WASL: variants seen among roughly 807,000 people sequenced by gnomAD.
The protein encoded by WASL is WASP like actin nucleation promoting factor.
In WASL, 20 loss-of-function variants were observed where a neutral mutation model predicts 55.5. The observed-to-expected ratio is 0.36, with a 90% confidence interval of 0.25 to 0.52. WASL has a LOEUF of 0.52. Ranked by LOEUF, WASL falls within the 20% of genes least tolerant of loss-of-function variation. The pLI, the probability that WASL is intolerant of heterozygous loss-of-function variation, is 0.92. For missense variants in WASL, 504 were observed against 622.5 expected (o/e 0.81, Z 2.03); for synonymous variants, 249 against 217.6 (o/e 1.14, Z -1.27).
intron 1 of WASL, among the ~76,000 whole-genome samples, chr7:123,728,913 T>TGTGCC (rs1444972233): frequency 6.6e-6 from 1 of 152,174 alleles, no homozygotes; most frequent in Non-Finnish European, 1.5e-5. Context: ...CATTAATGTC[T>TGTGCC]GTGCCTGTGG....
At chr7:123,691,647 T>C (rs1002445690) in intron 9 of WASL, among the ~76,000 whole-genome samples, 2 of 152,194 alleles carry the variant, frequency 1.3e-5, no homozygotes, top group Non-Finnish European at 2.9e-5. Flanking sequence ...TGATCCTTTA[T>C]AGGAAAATGT....
intron 9 of WASL, among the ~76,000 whole-genome samples, chr7:123,691,063 G>A (rs1007203937): frequency 6.6e-6 from 1 of 152,198 alleles, no homozygotes; most frequent in Non-Finnish European, 1.5e-5. Context: ...ATATTTTAAA[G>A]ATCAGAGTCT....
At chr7:123,718,485 A>G (rs542334678) in intron 1 of WASL, among the ~76,000 whole-genome samples, 136 of 150,788 alleles carry the variant, frequency 9.0e-4, no homozygotes, top group Non-Finnish European at 1.6e-3. Flanking sequence ...AAAAACACTA[A>G]GATAGGTGGG....
chr7:123,723,432 G>A lies in WASL; in HGVS notation c.118-14209C>T, dbSNP rs141490420. ...ACAGTAGAGAGTAAATATTTTGAAC[G>A]ATGGCATCTAAAGCAAGTTTAGGTC... On this transcript the variant is annotated intron_variant, in intron 1 of 10. Transcript: ENST00000223023. Among the ~76,000 whole-genome samples, 258 of 152,218 alleles carry A rather than the reference G, an allele frequency of 1.7e-3. 1 individual carries two copies. The highest frequency in any genetic ancestry group is 3.0e-3 in the Non-Finnish European group (206 of 68,014).
chr7:123,732,545 T>C (rs1376175654), intron 1 of WASL, among the ~76,000 whole-genome samples: 3 of 152,104 alleles, frequency 2.0e-5, no homozygotes, highest in East Asian at 1.9e-4. Flanking sequence ...CATTTAAAAA[T>C]TGGATTAATT....
At chr7:123,746,881 G>A (rs538895929) in intron 1 of WASL, among the ~76,000 whole-genome samples, 1 of 152,292 alleles carries the variant, frequency 6.6e-6, no homozygotes, top group South Asian at 2.1e-4. Flanking sequence ...CTGGTATGTA[G>A]AACACAGCAC....
At chr7:123,745,805 A>G (rs1019722431) in intron 1 of WASL, among the ~76,000 whole-genome samples, 8 of 152,010 alleles carry the variant, frequency 5.3e-5, no homozygotes, top group African/African-American at 1.9e-4. Flanking sequence ...CAAACCTAAC[A>G]AACTTATTAG....
chr7:123,700,202 AAAAAACAACAT>A (rs1803561826), intron 5 of WASL, among the ~76,000 whole-genome samples: 1 of 77,530 alleles, frequency 1.3e-5, no homozygotes, highest in African/African-American at 4.4e-5. Flanking sequence ...AAAAAAAAAA[AAAAAACAACAT>A]TATTTAAGTA....
rs764143557 is a variant in WASL, at chr7:123,695,912, G to C, written c.630-47C>G. ...AAATAGAAAAACAAAATGCATAAAGGGCATTATAAACACAATATATATGAA... is the reference window on the plus strand; with the variant it reads ...AAATAGAAAAACAAAATGCATAAAGCGCATTATAAACACAATATATATGAA... On this transcript the variant is annotated intron_variant, in intron 6 of 10. Transcript: ENST00000223023. 4 of 1,576,428 alleles carry C rather than the reference G, an allele frequency of 2.5e-6. No individual in the cohort carries two copies. In the East Asian group the frequency reaches 9.0e-5, roughly 35 times the overall value.
chr7:123,702,104 G>C (rs1308104003), intron 5 of WASL, among the ~76,000 whole-genome samples: 1 of 151,970 alleles, frequency 6.6e-6, no homozygotes, highest in Non-Finnish European at 1.5e-5. Context: ...GCCCAGGCTG[G>C]AGTGCAATGG....
intron 9 of WASL, among the ~76,000 whole-genome samples, chr7:123,691,881 A>G (rs904001799): frequency 6.6e-6 from 1 of 152,228 alleles, no homozygotes; most frequent in Non-Finnish European, 1.5e-5. Flanking sequence ...GGTGATCACA[A>G]TTGGTTTCAA....
intron 1 of WASL, among the ~76,000 whole-genome samples, chr7:123,748,058 T>C (rs1804467644): frequency 6.6e-6 from 1 of 152,110 alleles, no homozygotes; most frequent in Non-Finnish European, 1.5e-5. Context: ...CTTGTTTCTC[T>C]TTAACGAAGA....
At chr7:123,708,181 AAAC>A (rs144814256) in intron 2 of WASL, among the ~76,000 whole-genome samples, 65,129 of 151,188 alleles carry the variant, frequency 0.43, 14,553 homozygotes, top group South Asian at 0.66. Context: ...CCCTGTCTCA[AAAC>A]AACAACAACA....
At chr7:123,716,511 G>A (rs1265794588) in intron 1 of WASL, among the ~76,000 whole-genome samples, 1 of 151,920 alleles carries the variant, frequency 6.6e-6, no homozygotes, top group African/African-American at 2.4e-5. Flanking sequence ...CCCTCCCAAA[G>A]TGCTGGGATT....
chr7:123,730,041 T>A (rs1158400224), intron 1 of WASL, among the ~76,000 whole-genome samples: 2 of 151,820 alleles, frequency 1.3e-5, no homozygotes, highest in Non-Finnish European at 2.9e-5. Flanking sequence ...AAGGAGAGAG[T>A]ATAGTGAAAG....
At chr7:123,697,588 C>A (rs1803513087) in intron 5 of WASL, among the ~76,000 whole-genome samples, 1 of 152,196 alleles carries the variant, frequency 6.6e-6, no homozygotes. Flanking sequence ...GGTTCTCTGA[C>A]AAATCCTCCT....
At chr7:123,705,166 G>A (rs1803649679) in intron 4 of WASL, among the ~76,000 whole-genome samples, 1 of 152,178 alleles carries the variant, frequency 6.6e-6, no homozygotes, top group Non-Finnish European at 1.5e-5. Flanking sequence ...AGATCATGGT[G>A]GCCTGGATTA....
rs191247661 is a variant in WASL at position 123,723,657 on chromosome 7, T to C, written c.118-14434A>G. ...TTAAATTAAGATTCTCTCCCAGGAATTTAGAATTCTAAACTGGGACCCAGG... is the reference window on the plus strand; with the variant it reads ...TTAAATTAAGATTCTCTCCCAGGAACTTAGAATTCTAAACTGGGACCCAGG... On this transcript the variant is annotated intron_variant, in intron 1 of 10. Transcript: ENST00000223023. 1.1e-3 allele frequency among the ~76,000 whole-genome samples: 169 copies of C among 152,316 alleles called. 2 individuals are homozygous for C. The highest frequency in any genetic ancestry group is 6.9e-3 in the Admixed American group (106 of 15,298).
At chr7:123,713,293 C>G (rs969951687) in intron 1 of WASL, among the ~76,000 whole-genome samples, 1 of 151,998 alleles carries the variant, frequency 6.6e-6, no homozygotes, top group Non-Finnish European at 1.5e-5. Context: ...GCTGGGACTA[C>G]CAGCACACAC....
Sources: allele counts gnomAD v4.1 joint callset (sites outside exome capture counted in the v4.1 genomes callset), GRCh38; gene constraint gnomAD v4.1.1; transcripts MANE v1.5; gene names NCBI Gene and HGNC (gene_info 2026-07-23, HGNC 2026-07-21).